Variants in C12orf42 observed in about 807,000 individuals in gnomAD.
C12orf42 encodes chromosome 12 open reading frame 42.
Under a neutral mutation model 21.6 loss-of-function variants are expected in C12orf42, and 25 were observed. The ratio of observed to expected loss-of-function variants is 1.16; its 90% confidence interval spans 0.84 to 1.62. The LOEUF is 1.62. C12orf42 is among the 40% of genes most tolerant of loss of function. The pLI is 0.00. For synonymous variants in C12orf42, 174 were observed against 175.0 expected, an observed-to-expected ratio of 0.99 and a Z score of 0.05; for missense variants, 483 against 459.3, an observed-to-expected ratio of 1.05 and a Z score of -0.47.
the C12orf42 span, among the ~76,000 whole-genome samples, chr12:103,204,367 CT>C: frequency 1.3e-5 from 2 of 152,148 alleles, no homozygotes; most frequent in Non-Finnish European, 2.9e-5. Flanking sequence ...ATTTTCTTTT[CT>C]GCCTCCTGCT....
chr12:103,352,599 C>T (rs560346837), intron 4 of C12orf42, among the ~76,000 whole-genome samples: 8 of 152,142 alleles, frequency 5.3e-5, no homozygotes, highest in Non-Finnish European at 8.8e-5. Context: ...TTAAAGTCCC[C>T]GTGCACTAAG....
At chr12:103,122,403 CATTCATTCATTT>C in the C12orf42 span, among the ~76,000 whole-genome samples, 1 of 151,668 alleles carries the variant, frequency 6.6e-6, no homozygotes, top group African/African-American at 2.4e-5. Context: ...TTCATTCATT[CATTCATTCATTT>C]GACAAATATT....
intron 4 of C12orf42, among the ~76,000 whole-genome samples, chr12:103,368,514 G>C (rs745441791): frequency 2.6e-5 from 4 of 152,042 alleles, no homozygotes; most frequent in African/African-American, 4.8e-5. Context: ...AGTAGAGACT[G>C]TTCTAGATGA....
At chr12:103,338,315 A>C (rs76966200) in intron 4 of C12orf42, among the ~76,000 whole-genome samples, 4,650 of 152,266 alleles carry the variant, frequency 0.031, 210 homozygotes, top group African/African-American at 0.11. Context: ...ACAGCTCTCT[A>C]ACAGAACTAA....
At chr12:103,312,260 C>T (rs983637737) in intron 4 of C12orf42, among the ~76,000 whole-genome samples, 3 of 152,144 alleles carry the variant, frequency 2.0e-5, no homozygotes, top group African/African-American at 7.2e-5. Flanking sequence ...TTTTCTACTA[C>T]ACAATCAATG....
chr12:103,109,275 G>A, the C12orf42 span, among the ~76,000 whole-genome samples: 2 of 152,120 alleles, frequency 1.3e-5, no homozygotes, highest in Admixed American at 6.6e-5. Context: ...TAGAGAACTT[G>A]GAAACAAATC....
the C12orf42 span, among the ~76,000 whole-genome samples, chr12:103,177,881 G>A: frequency 2.6e-5 from 4 of 151,418 alleles, no homozygotes; most frequent in Non-Finnish European, 5.9e-5. Context: ...GTGTGCGCGC[G>A]CGCTAACAGC....
the C12orf42 span, among the ~76,000 whole-genome samples, chr12:103,148,308 A>AAATCTATCAAG: frequency 2.0e-5 from 3 of 152,160 alleles, no homozygotes; most frequent in African/African-American, 7.2e-5. Context: ...ATCAAGAGTC[A>AAATCTATCAAG]AGCCCTTAAA....
intron 4 of C12orf42, among the ~76,000 whole-genome samples, chr12:103,289,728 C>T (rs1327977579): frequency 1.3e-5 from 2 of 152,058 alleles, no homozygotes; most frequent in Non-Finnish European, 2.9e-5. Flanking sequence ...GAAAAAACAG[C>T]TTATGGAACA....
chr12:103,253,385 A>T (rs940226597), intron 10 of C12orf42, among the ~76,000 whole-genome samples: 1 of 152,200 alleles, frequency 6.6e-6, no homozygotes, highest in Non-Finnish European at 1.5e-5. Context: ...AAATCTAAAC[A>T]TTACTTTGGA....
At chr12:103,498,985 A>G (rs1275492818), upstream of C12orf42, among the ~76,000 whole-genome samples, 2 of 152,042 alleles carry the variant, frequency 1.3e-5, no homozygotes, top group Admixed American at 6.6e-5. Flanking sequence ...ACATTTACCT[A>G]TGTAACAAAC....
At chr12:103,529,305 T>C in the C12orf42 span, among the ~76,000 whole-genome samples, 1 of 152,222 alleles carries the variant, frequency 6.6e-6, no homozygotes, top group East Asian at 1.9e-4. Flanking sequence ...ATAGGATTGC[T>C]TTTAAATAAG....
chr12:103,133,989 A>G, the C12orf42 span, among the ~76,000 whole-genome samples: 1 of 152,218 alleles, frequency 6.6e-6, no homozygotes, highest in Non-Finnish European at 1.5e-5. Context: ...TGAGTCAATT[A>G]AACCTCTTTC....
chr12:103,143,785 A>G, the C12orf42 span, among the ~76,000 whole-genome samples: 1 of 152,260 alleles, frequency 6.6e-6, no homozygotes, highest in African/African-American at 2.4e-5. Flanking sequence ...TCTGTGAAAC[A>G]CAAACAAACC....
chr12:103,346,469 C>T (rs2042631640), intron 4 of C12orf42, among the ~76,000 whole-genome samples: 1 of 152,050 alleles, frequency 6.6e-6, no homozygotes, highest in African/African-American at 2.4e-5. Context: ...GGTACCAGCA[C>T]AGGTATATAC....
At chr12:103,471,411 G>A (rs1164631886) in intron 2 of C12orf42, among the ~76,000 whole-genome samples, 2 of 152,130 alleles carry the variant, frequency 1.3e-5, no homozygotes, top group African/African-American at 4.8e-5. Context: ...AGCATTTCCA[G>A]AAACTTCCCA....
At chr12:103,137,666 A>C in the C12orf42 span, among the ~76,000 whole-genome samples, 8 of 152,252 alleles carry the variant, frequency 5.3e-5, no homozygotes, top group South Asian at 1.7e-3. Context: ...TGTGGTATAC[A>C]TACAGAATGG....
At chr12:103,495,608 G>T (rs1172386739) in intron 1 of C12orf42, among the ~76,000 whole-genome samples, 1 of 151,978 alleles carries the variant, frequency 6.6e-6, no homozygotes, top group Non-Finnish European at 1.5e-5. Context: ...GCAACGGGGG[G>T]CGGGGGATTA....
the C12orf42 span, among the ~76,000 whole-genome samples, chr12:103,538,508 C>A: frequency 6.6e-6 from 1 of 152,168 alleles, no homozygotes; most frequent in Non-Finnish European, 1.5e-5. Flanking sequence ...GAGGCCCTGG[C>A]ACAAAATTGA....
Sources: gnomAD v4.1 joint callset for allele counts (sites outside exome capture counted in the v4.1 genomes callset) on GRCh38, gnomAD v4.1.1 for gene constraint, MANE v1.5 for transcripts, NCBI Gene and HGNC (gene_info 2026-07-23, HGNC 2026-07-21) for gene names.